The following ERG variants were observed in gnomAD, a reference collection of about 807,000 sequenced individuals.
ERG encodes the protein transcriptional regulator ERG.
ERG carries 9 observed loss-of-function variants against 55.3 expected under a neutral mutation model. The ratio of observed to expected loss-of-function variants is 0.16; its 90% CI spans 0.10 to 0.28. The LOEUF (loss-of-function observed/expected upper bound fraction) is 0.28. Ranked by LOEUF, ERG falls within the 10% of genes least tolerant of loss-of-function variation. The pLI, the probability that ERG is intolerant of heterozygous loss-of-function variation, is 1.00. For missense variants in ERG, 434 were observed against 631.6 expected, an observed-to-expected ratio of 0.69 and a Z score of 3.35; for synonymous variants, 223 against 237.3, an observed-to-expected ratio of 0.94 and a Z score of 0.55.
chr21:38,573,323 G>T (rs1193084653), intron 2 of ERG, among the ~76,000 whole-genome samples: 3 of 152,220 alleles, frequency 2.0e-5, no homozygotes, highest in African/African-American at 4.8e-5. Context: ...TGCTGAGGTG[G>T]ATTAGTAAAA....
chr21:38,405,405 C>A (rs967926123), intron 3 of ERG, among the ~76,000 whole-genome samples: 3 of 152,114 alleles, frequency 2.0e-5, no homozygotes, highest in Non-Finnish European at 4.4e-5. Flanking sequence ...CATGCATACG[C>A]GTGAATGAGT....
At chr21:38,531,377 C>G (rs545268418) in intron 2 of ERG, among the ~76,000 whole-genome samples, 9 of 152,222 alleles carry the variant, frequency 5.9e-5, no homozygotes, top group African/African-American at 2.2e-4. Flanking sequence ...TCTTTCCTTC[C>G]AAGTTTGGAA....
intron 6 of ERG, among the ~76,000 whole-genome samples, chr21:38,393,201 G>A (rs551624815): frequency 4.6e-5 from 7 of 152,256 alleles, no homozygotes; most frequent in East Asian, 1.9e-4. Flanking sequence ...TTATAAAGTC[G>A]TATCACTTGT....
chr21:38,529,729 C>T (rs540373336), intron 2 of ERG, among the ~76,000 whole-genome samples: 1 of 152,240 alleles, frequency 6.6e-6, no homozygotes, highest in Non-Finnish European at 1.5e-5. Context: ...CTTTGGGAGG[C>T]TGAGGCAGGC....
At chr21:38,550,045 G>A (rs1470550037) in intron 2 of ERG, among the ~76,000 whole-genome samples, 1 of 152,200 alleles carries the variant, frequency 6.6e-6, no homozygotes, top group Non-Finnish European at 1.5e-5. Context: ...GAGTCACCCT[G>A]CATGTCTGGG....
At chr21:38,587,683 GT>G (rs2060074945), upstream of ERG, among the ~76,000 whole-genome samples, 1 of 152,180 alleles carries the variant, frequency 6.6e-6, no homozygotes, top group Non-Finnish European at 1.5e-5. Flanking sequence ...TAATAAACAT[GT>G]TCCCCAAATC....
chr21:38,654,987 C>A (rs902201842), intron 1 of ERG, among the ~76,000 whole-genome samples: 2 of 152,128 alleles, frequency 1.3e-5, no homozygotes, highest in South Asian at 2.1e-4. Context: ...AATGTTTTTA[C>A]CTCATTTCCT....
intron 1 of ERG, among the ~76,000 whole-genome samples, chr21:38,616,551 A>G (rs1413332958): frequency 6.6e-6 from 1 of 152,066 alleles, no homozygotes; most frequent in Non-Finnish European, 1.5e-5. Flanking sequence ...TGCCTTCCCA[A>G]CACCTAGCAC....
intron 1 of ERG, among the ~76,000 whole-genome samples, chr21:38,605,096 C>T (rs1384045324): frequency 6.6e-6 from 1 of 152,156 alleles, no homozygotes; most frequent in Non-Finnish European, 1.5e-5. Context: ...TTCAGTTTTT[C>T]CTACCAAAAT....
At chr21:38,563,850 T>C (rs981591233) in intron 2 of ERG, among the ~76,000 whole-genome samples, 1 of 152,078 alleles carries the variant, frequency 6.6e-6, no homozygotes, top group Admixed American at 6.6e-5. Context: ...AGGAGACAAA[T>C]AGCAAGGATC....
At chr21:38,616,148 C>T (rs1307578944) in intron 1 of ERG, among the ~76,000 whole-genome samples, 1 of 152,158 alleles carries the variant, frequency 6.6e-6, no homozygotes, top group Non-Finnish European at 1.5e-5. Context: ...ACACTCTCCT[C>T]TCTCCTGCCG....
chr21:38,622,357 T>C (rs73908333), intron 1 of ERG, among the ~76,000 whole-genome samples: 2,242 of 151,852 alleles, frequency 0.015, 58 homozygotes, highest in African/African-American at 0.051. Context: ...TCAACATCAG[T>C]AGGTAACACA....
At chr21:38,459,202 T>C (rs2059018169) in intron 1 of ERG, among the ~76,000 whole-genome samples, 1 of 152,138 alleles carries the variant, frequency 6.6e-6, no homozygotes, top group South Asian at 2.1e-4. Context: ...CGCATTTAAT[T>C]TGAAGGGTGA....
At chr21:38,598,371 T>G (rs2060144317) in intron 1 of ERG, among the ~76,000 whole-genome samples, 1 of 151,980 alleles carries the variant, frequency 6.6e-6, no homozygotes, top group African/African-American at 2.4e-5. Context: ...GGCAGCAGAG[T>G]GCAGGCACAG....
intron 1 of ERG, among the ~76,000 whole-genome samples, chr21:38,656,415 C>T (rs866802759): frequency 7.2e-5 from 11 of 152,338 alleles, no homozygotes; most frequent in Middle Eastern, 3.4e-3. Flanking sequence ...TACTGTCCAT[C>T]TTAGTTCAGA....
At chr21:38,420,621 G>A (rs982026611) in intron 3 of ERG, among the ~76,000 whole-genome samples, 3 of 152,160 alleles carry the variant, frequency 2.0e-5, no homozygotes, top group African/African-American at 7.2e-5. Flanking sequence ...TGGGTGCTCT[G>A]ACTTCAGTTG....
chr21:38,618,036 G>A (rs1601319044), intron 1 of ERG, among the ~76,000 whole-genome samples: 1 of 152,236 alleles, frequency 6.6e-6, no homozygotes, highest in South Asian at 2.1e-4. Flanking sequence ...GCCCACACGT[G>A]TCATGGAGTA....
chr21:38,372,183 TA>T, the ERG span, among the ~76,000 whole-genome samples: 5 of 152,064 alleles, frequency 3.3e-5, no homozygotes, highest in Non-Finnish European at 7.4e-5. Context: ...ACCATAGACT[TA>T]TCCCCATTTT....
At chr21:38,393,082 T>C (rs953424284) in intron 6 of ERG, among the ~76,000 whole-genome samples, 1 of 152,216 alleles carries the variant, frequency 6.6e-6, no homozygotes, top group Non-Finnish European at 1.5e-5. Flanking sequence ...TTAGAATTTC[T>C]CTAAAATGAC....
Sources: allele counts gnomAD v4.1 joint callset (sites outside exome capture counted in the v4.1 genomes callset), GRCh38; gene constraint gnomAD v4.1.1; transcripts MANE v1.5; gene names NCBI Gene and HGNC (gene_info 2026-07-23, HGNC 2026-07-21).